Variants in JDP2 observed in about 807,000 individuals in gnomAD.
JDP2 encodes the protein Jun dimerization protein 2.
JDP2 carries 9 observed loss-of-function variants against 17.1 expected under a neutral mutation model. That is an observed-to-expected ratio of 0.53 (90% CI 0.32 to 0.92). The LOEUF (loss-of-function observed/expected upper bound fraction) is 0.92, where lower values mean the gene tolerates loss of function less well. Among genes scored for constraint, JDP2 ranks in the 40% least tolerant of loss-of-function variants. The probability of loss-of-function intolerance (pLI) is 0.04; values close to 1 mark genes in which losing one functional copy is unlikely to be tolerated. For synonymous variants in JDP2, 107 were observed against 95.6 expected (o/e 1.12, Z -0.69); for missense variants, 179 against 220.0 (o/e 0.81, Z 1.18).
At chr14:75,461,324 G>A in intron 2 of JDP2, 102 bp from the exon 3 acceptor site, 1 of 810,536 alleles carries the variant, frequency 1.2e-6, no homozygotes, top group South Asian at 1.5e-5. Context: ...CTGCCGAGAT[G>A]TGGGTTAGAA....
At chr14:75,461,582 T>C (rs936536163) in intron 3 of JDP2, 52 bp downstream of exon 3, 1 of 1,378,282 alleles carries the variant, frequency 7.3e-7, no homozygotes, top group African/African-American at 1.4e-5. Flanking sequence ...AGTGAGCTTG[T>C]GTACTCTGGA....
At position 75,432,341 on chromosome 14, in the gene JDP2, T is replaced by C. The variant is rs1884846907; in HGVS notation, c.-24+4089T>C. 1.3e-6 allele frequency: 2 copies of C among 1,551,424 alleles called. 1 individual carries two copies. Among genetic ancestry groups the C allele is most frequent in the South Asian group, 2.4e-5 (2 of 84,068 alleles). On this transcript the variant is annotated intron_variant, in intron 1 of 3. Coordinates refer to ENST00000651602, the MANE Select transcript of JDP2 (RefSeq NM_001135048.2). ...CTCCAAGATTCATGGTAGCAGGTACTATGCGCCATGACCCCTGGCCTGGCA... is the reference window on the plus strand; with the variant it reads ...CTCCAAGATTCATGGTAGCAGGTACCATGCGCCATGACCCCTGGCCTGGCA...
At chr14:75,431,999 G>C in intron 1 of JDP2, 1 of 462,842 alleles carries the variant, frequency 2.2e-6, no homozygotes, top group Non-Finnish European at 3.9e-6. Context: ...GGCACAGAGA[G>C]GTTAGGGAAC....
At chr14:75,446,442 T>A (rs1417464755) in intron 2 of JDP2, among the ~76,000 whole-genome samples, 1 of 152,232 alleles carries the variant, frequency 6.6e-6, no homozygotes, top group African/African-American at 2.4e-5. Context: ...TAAAACATGG[T>A]CTATCCATAC....
chr14:75,435,259 C>T (rs1480930289), intron 1 of JDP2, among the ~76,000 whole-genome samples: 1 of 152,222 alleles, frequency 6.6e-6, no homozygotes, highest in Non-Finnish European at 1.5e-5. Flanking sequence ...AGCTCTCTTA[C>T]TGCCACTAGG....
chr14:75,449,261 C>T (rs1439570462), intron 2 of JDP2, among the ~76,000 whole-genome samples: 1 of 152,188 alleles, frequency 6.6e-6, no homozygotes, highest in Non-Finnish European at 1.5e-5. Flanking sequence ...CTTCCAAAGG[C>T]TTTAATAAGA....
chr14:75,428,063 G>T lies in JDP2; in HGVS notation c.-213G>T. On this transcript the variant is annotated 5_prime_UTR_variant, in exon 1 of 4. Transcript: ENST00000651602. The surrounding 1 kb of genome is among the most constrained non-coding windows in gnomAD (Gnocchi z 5.6). ...TGCGGGAGGGACGCTCGGCGGCCGC[G>T]ACGGGGGGCGCTGGCGGCGGCGGAC... is the stretch of plus-strand genomic sequence containing the variant. 1 of 149,218 alleles carries T rather than the reference G, an allele frequency of 6.7e-6. No homozygotes were observed. Among genetic ancestry groups the T allele is most frequent in the South Asian group, 2.0e-4 (1 of 5,094 alleles). 9.2% of individuals were successfully genotyped at this position (149,218 alleles called of 1,614,324 possible). A position where few individuals can be genotyped will look rare whatever the true frequency, so the allele number is the denominator to read the frequency against.
At chr14:75,429,908 C>T (rs1406015545) in intron 1 of JDP2, among the ~76,000 whole-genome samples, 1 of 151,530 alleles carries the variant, frequency 6.6e-6, no homozygotes, top group Non-Finnish European at 1.5e-5. Context: ...GGTGTGTAGA[C>T]CTCTGGCTTT....
intron 1 of JDP2, among the ~76,000 whole-genome samples, chr14:75,436,291 G>C (rs1885059064): frequency 6.6e-6 from 1 of 152,192 alleles, no homozygotes; most frequent in South Asian, 2.1e-4. Context: ...AGGAGACAGA[G>C]AGCCCAAGAA....
chr14:75,452,059 C>G (rs1157491594), intron 2 of JDP2, among the ~76,000 whole-genome samples: 1 of 152,176 alleles, frequency 6.6e-6, no homozygotes, highest in Non-Finnish European at 1.5e-5. Flanking sequence ...GCTGGGACTA[C>G]TGGTGTACAC....
At chr14:75,453,742 C>T (rs960342506) in intron 2 of JDP2, among the ~76,000 whole-genome samples, 2 of 152,164 alleles carry the variant, frequency 1.3e-5, no homozygotes, top group African/African-American at 2.4e-5. Context: ...TAAAGACCAC[C>T]CCCCAACCCC....
chr14:75,452,652 T>C (rs528888327), intron 2 of JDP2, among the ~76,000 whole-genome samples: 36 of 152,330 alleles, frequency 2.4e-4, no homozygotes, highest in African/African-American at 8.4e-4. Context: ...TTCAAAAATT[T>C]ATATTTTCTT....
At chr14:75,436,430 CA>C (rs1190409550) in intron 1 of JDP2, among the ~76,000 whole-genome samples, 1 of 152,212 alleles carries the variant, frequency 6.6e-6, no homozygotes, top group Non-Finnish European at 1.5e-5. Flanking sequence ...AAGGATAGGC[CA>C]AAGATTTTCC....
Position 75,430,890 on chromosome 14 carries a change from G to A in JDP2, c.-24+2638G>A, listed in dbSNP as rs1356377617. 1.3e-5 allele frequency among the ~76,000 whole-genome samples: 2 copies of A among 152,296 alleles called. No individual in the cohort carries two copies. The highest frequency in any genetic ancestry group is 3.9e-4 in the East Asian group (2 of 5,184). ...GACCCAGTCTTGGAATTTTCAGACTGTGTTTCTTTACTTATTGCTGGCTGT... is the reference window on the plus strand; with the variant it reads ...GACCCAGTCTTGGAATTTTCAGACTATGTTTCTTTACTTATTGCTGGCTGT... On this transcript the variant is annotated intron_variant, in intron 1 of 3. Transcript: ENST00000651602. The surrounding 1 kb of genome is among the most constrained non-coding windows in gnomAD (Gnocchi z 4.5).
rs2140026102 is a variant in JDP2 at position 75,428,932 on chromosome 14, C to T, written c.-24+680C>T. ...GTTATATAAGGAGGCAAGCAGGCTCCTGTAGGTAACCAGCCTCTCCCTTGC... is the reference window on the plus strand; with the variant it reads ...GTTATATAAGGAGGCAAGCAGGCTCTTGTAGGTAACCAGCCTCTCCCTTGC... On this transcript the variant is annotated intron_variant, in intron 1 of 3. Coordinates refer to ENST00000651602, the MANE Select transcript of JDP2 (RefSeq NM_001135048.2). This position sits in a 1 kb window ranked among gnomAD's most constrained non-coding sequence, Gnocchi z 5.6. 6.6e-6 allele frequency among the ~76,000 whole-genome samples: 1 copy of T among 152,182 alleles called. No homozygotes were observed. The highest frequency in any genetic ancestry group is 2.4e-5 in the African/African-American group (1 of 41,526).
chr14:75,460,322 G>A (rs1886297885), intron 2 of JDP2, among the ~76,000 whole-genome samples: 1 of 152,196 alleles, frequency 6.6e-6, no homozygotes, highest in Non-Finnish European at 1.5e-5. Context: ...GGCATCCTGG[G>A]GGAAAGGATT....
rs187000173 is a variant in JDP2, at chr14:75,444,341, A to G, written c.201+6220A>G. On this transcript the variant is annotated intron_variant, in intron 2 of 3. Coordinates refer to ENST00000651602, the MANE Select transcript of JDP2 (RefSeq NM_001135048.2). ...TCGTGCAAAGTAGTTTTTATAATTGAATCAAAAACCTGTTTCTTGGGCTTG... is the reference window on the plus strand; with the variant it reads ...TCGTGCAAAGTAGTTTTTATAATTGGATCAAAAACCTGTTTCTTGGGCTTG... Among the ~76,000 whole-genome samples the G allele has an allele frequency of 6.0e-4, 92 of 152,298 alleles. 1 individual carries two copies. The highest frequency in any genetic ancestry group is 2.1e-3 in the African/African-American group (87 of 41,560).
At position 75,430,250 on chromosome 14, in the gene JDP2, G is replaced by C. The variant is rs1306938884; in HGVS notation, c.-24+1998G>C. ...GGTGTTGCAATGGGCTGTCTCTCTC[G>C]AGTGTCTGTTTCCAGCTCCACTCTG... On this transcript the variant is annotated intron_variant, in intron 1 of 3. Transcript: ENST00000651602. This position sits in a 1 kb window ranked among gnomAD's most constrained non-coding sequence, Gnocchi z 4.5. 2.0e-5 allele frequency among the ~76,000 whole-genome samples: 3 copies of C among 152,116 alleles called. No individual in the cohort carries two copies. The highest frequency in any genetic ancestry group is 2.9e-5 in the Non-Finnish European group (2 of 68,040).
In JDP2 at chr14:75,469,554, A is replaced by T; in HGVS notation, c.*79A>T. ...AGAGAGAGGAGGAGGGGGGCCCCAGATGGCCCTTCCTTTGGTGCATGAAAA... is the reference window on the plus strand; with the variant it reads ...AGAGAGAGGAGGAGGGGGGCCCCAGTTGGCCCTTCCTTTGGTGCATGAAAA... On this transcript the variant is annotated 3_prime_UTR_variant, in exon 4 of 4. Transcript: ENST00000651602. 7.6e-7 allele frequency: 1 copy of T among 1,307,942 alleles called. No homozygotes were observed. Among genetic ancestry groups the T allele is most frequent in the Non-Finnish European group, 1.1e-6 (1 of 942,950 alleles). 81.0% of individuals were successfully genotyped at this position (1,307,942 alleles called of 1,614,324 possible). A position where few individuals can be genotyped will look rare whatever the true frequency, so the allele number is the denominator to read the frequency against.
Sources: gnomAD v4.1 joint callset for allele counts (sites outside exome capture counted in the v4.1 genomes callset) on GRCh38, gnomAD v4.1.1 for gene constraint, Gnocchi (gnomAD v3.1) non-coding constraint, MANE v1.5 for transcripts, NCBI Gene and HGNC (gene_info 2026-07-23, HGNC 2026-07-21) for gene names.